WDPCP: variants seen among roughly 807,000 people sequenced by gnomAD.
WDPCP encodes the protein WD repeat containing planar cell polarity effector, also known as WD repeat-containing and planar cell polarity effector protein fritz homolog.
Under a neutral mutation model 93.1 loss-of-function variants are expected in WDPCP, and 71 were observed. That is an observed-to-expected ratio of 0.76 (90% confidence interval 0.63 to 0.93). WDPCP has a LOEUF of 0.93. Ranked by LOEUF, WDPCP falls within the 40% of genes least tolerant of loss-of-function variation. WDPCP has a pLI of 0.00. For synonymous variants in WDPCP, 315 were observed against 315.0 expected (o/e 1.00, Z 0.00); for missense variants, 844 against 887.4 (o/e 0.95, Z 0.62).
intron 9 of WDPCP, among the ~76,000 whole-genome samples, chr2:63,414,615 G>A (rs1188079394): frequency 7.2e-5 from 11 of 152,126 alleles, no homozygotes. Flanking sequence ...TCTAAGTGAA[G>A]CAACTCAAGA....
chr2:63,652,749 C>G (rs187611644), intron 2 of WDPCP, among the ~76,000 whole-genome samples: 235 of 114,760 alleles, frequency 2.0e-3, no homozygotes, highest in Admixed American at 8.2e-3. Flanking sequence ...TTAAACTGCT[C>G]TTAGTACCTG....
chr2:63,655,529 T>C (rs1710158038), intron 2 of WDPCP, among the ~76,000 whole-genome samples: 1 of 152,164 alleles, frequency 6.6e-6, no homozygotes, highest in African/African-American at 2.4e-5. Flanking sequence ...ATAATTTTCT[T>C]ATTTTTCATT....
chr2:63,124,468 T>C (rs1181571180), intron 17 of WDPCP, among the ~76,000 whole-genome samples: 1 of 152,170 alleles, frequency 6.6e-6, no homozygotes, highest in Admixed American at 6.6e-5. Flanking sequence ...TTACCTAATA[T>C]TGGGTGATAT....
At chr2:63,478,138 T>C in intron 6 of WDPCP, among the ~76,000 whole-genome samples, 1 of 151,920 alleles carries the variant, frequency 6.6e-6, no homozygotes, top group East Asian at 1.9e-4. Flanking sequence ...AGGAAAAATA[T>C]CACAATCCTA....
chr2:63,475,261 A>G (rs1699911948), intron 6 of WDPCP, among the ~76,000 whole-genome samples: 1 of 152,102 alleles, frequency 6.6e-6, no homozygotes, highest in Non-Finnish European at 1.5e-5. Flanking sequence ...GCTTATCAAA[A>G]GACAGTTTTT....
chr2:63,480,305 T>C (rs1390632204), intron 6 of WDPCP, among the ~76,000 whole-genome samples: 1 of 152,090 alleles, frequency 6.6e-6, no homozygotes, highest in African/African-American at 2.4e-5. Flanking sequence ...AAAATGGCCA[T>C]ACTGCCAAAA....
At chr2:63,644,822 T>C (rs931816036) in intron 3 of WDPCP, among the ~76,000 whole-genome samples, 4 of 152,184 alleles carry the variant, frequency 2.6e-5, no homozygotes, top group African/African-American at 7.2e-5. Flanking sequence ...CTACTAATGA[T>C]TTTTCGAGTT....
chr2:63,328,200 AC>A (rs1341242238), intron 12 of WDPCP, among the ~76,000 whole-genome samples: 2 of 152,020 alleles, frequency 1.3e-5, no homozygotes, highest in African/African-American at 4.8e-5. Flanking sequence ...GTCAAAACGG[AC>A]CCGTCAGCTC....
intron 9 of WDPCP, among the ~76,000 whole-genome samples, chr2:63,408,079 G>A (rs1694731901): frequency 6.6e-6 from 1 of 152,202 alleles, no homozygotes; most frequent in Admixed American, 6.5e-5. Context: ...AAAAAGTGGA[G>A]GTGGATGGGA....
chr2:63,840,221 T>C, the WDPCP span, among the ~76,000 whole-genome samples: 1 of 152,236 alleles, frequency 6.6e-6, no homozygotes, highest in Non-Finnish European at 1.5e-5. Context: ...GAGTCTTAGA[T>C]GCAGGTGGGG....
chr2:63,423,033 T>C (rs923880544), intron 9 of WDPCP, among the ~76,000 whole-genome samples: 2 of 152,224 alleles, frequency 1.3e-5, no homozygotes, highest in African/African-American at 2.4e-5. Context: ...AAAGTCATGA[T>C]AGTAGTTACT....
intron 14 of WDPCP, among the ~76,000 whole-genome samples, chr2:63,230,357 C>T (rs530766707): frequency 1.3e-5 from 2 of 152,132 alleles, no homozygotes; most frequent in Non-Finnish European, 2.9e-5. Context: ...TGGGTTGGTT[C>T]CAAGTCTTTG....
chr2:63,260,729 T>C (rs1428671929), intron 13 of WDPCP, among the ~76,000 whole-genome samples: 4 of 152,282 alleles, frequency 2.6e-5, no homozygotes, highest in Admixed American at 6.5e-5. Flanking sequence ...TTTGTATTTT[T>C]AGTAGAGACG....
At chr2:63,488,975 T>C (rs1202612255) in intron 2 of WDPCP, among the ~76,000 whole-genome samples, 1 of 151,952 alleles carries the variant, frequency 6.6e-6, no homozygotes, top group Non-Finnish European at 1.5e-5. Context: ...AAGGTGTCCA[T>C]TCAGAGAGTC....
intron 12 of WDPCP, 27 bp downstream of exon 12, chr2:63,378,359 G>T (rs375530671): frequency 6.2e-7 from 1 of 1,612,112 alleles, no homozygotes; most frequent in East Asian, 2.2e-5. Flanking sequence ...TTAGTCTGAC[G>T]CTAATCAATC....
At chr2:63,633,119 CT>C (rs1234401364) in intron 3 of WDPCP, among the ~76,000 whole-genome samples, 1 of 152,182 alleles carries the variant, frequency 6.6e-6, no homozygotes, top group African/African-American at 2.4e-5. Context: ...ATATTTTACC[CT>C]GCAAAGCTGT....
chr2:63,374,383 T>C (rs767298545), intron 12 of WDPCP, among the ~76,000 whole-genome samples: 3 of 152,162 alleles, frequency 2.0e-5, no homozygotes, highest in Non-Finnish European at 4.4e-5. Flanking sequence ...AATAAATATT[T>C]TGAATATATT....
At position 63,430,549 on chromosome 2, in the gene WDPCP, T is replaced by G. The variant is rs377361476; in HGVS notation, c.825+3196A>C. 1.1e-4 allele frequency among the ~76,000 whole-genome samples: 16 copies of G among 152,378 alleles called. No homozygotes were observed. The East Asian group carries it at 2.3e-3, about 22-fold the overall frequency. ...TATATTTTTCAAAAGAATTTTTTCT[T>G]AGACTACATAATTCTCTCTGTTCTG... On this transcript the variant is annotated intron_variant, in intron 9 of 17. Transcript: ENST00000272321.
At chr2:63,221,152 T>C (rs1019050989) in intron 14 of WDPCP, among the ~76,000 whole-genome samples, 1 of 152,148 alleles carries the variant, frequency 6.6e-6, no homozygotes, top group Non-Finnish European at 1.5e-5. Flanking sequence ...GAATAGTATA[T>C]GCCTATTTTT....
Sources: allele counts gnomAD v4.1 joint callset (sites outside exome capture counted in the v4.1 genomes callset), GRCh38; gene constraint gnomAD v4.1.1; transcripts MANE v1.5; gene names NCBI Gene and HGNC (gene_info 2026-07-23, HGNC 2026-07-21).